HMG20A: variants seen among roughly 807,000 people sequenced by gnomAD.
HMG20A encodes high mobility group 20A.
In HMG20A, 17 loss-of-function variants were observed where a neutral mutation model predicts 43.9. That is an observed-to-expected ratio of 0.39 (90% confidence interval 0.27 to 0.58). The LOEUF (loss-of-function observed/expected upper bound fraction) is 0.58, where lower values mean the gene tolerates loss of function less well. Ranked by LOEUF, HMG20A falls within the 20% of genes least tolerant of loss-of-function variation. The probability of loss-of-function intolerance (pLI) is 0.59; values close to 1 mark genes in which losing one functional copy is unlikely to be tolerated. For missense variants in HMG20A, 341 were observed against 438.2 expected, an observed-to-expected ratio of 0.78 and a Z score of 1.98; for synonymous variants, 132 against 147.5, an observed-to-expected ratio of 0.89 and a Z score of 0.76.
the HMG20A span, among the ~76,000 whole-genome samples, chr15:77,514,467 A>G: frequency 6.6e-6 from 1 of 152,246 alleles, no homozygotes; most frequent in Non-Finnish European, 1.5e-5. Flanking sequence ...ATGTTTGCAT[A>G]TATAAAAATC....
chr15:77,497,350 C>G, the HMG20A span, among the ~76,000 whole-genome samples: 4 of 152,376 alleles, frequency 2.6e-5, no homozygotes, highest in African/African-American at 9.6e-5. Context: ...GGGCAGCTTG[C>G]CCAAGAGGAG....
downstream of HMG20A, among the ~76,000 whole-genome samples, chr15:77,488,009 G>A (rs1392007850): frequency 7.9e-5 from 12 of 152,184 alleles, no homozygotes; most frequent in Non-Finnish European, 1.6e-4. Context: ...TTTTGCCAGA[G>A]GTAGAAATGT....
At position 77,483,384 on chromosome 15, in the gene HMG20A, T is replaced by C. The variant is rs1447001174; in HGVS notation, c.*421T>C. On this transcript the variant is annotated 3_prime_UTR_variant, in exon 10 of 10. Transcript: ENST00000336216. The stretch of plus-strand genomic sequence containing the variant: ...CAGTTTTCTTACCTAGCTGTCACTT[T>C]TTTAAATGCCTCTGGGGGTTATTTT... 6.6e-6 allele frequency: 1 copy of C among 152,382 alleles called. No homozygotes were observed. The highest frequency in any genetic ancestry group is 1.5e-5 in the Non-Finnish European group (1 of 68,038). 9.4% of individuals were successfully genotyped at this position (152,382 alleles called of 1,614,324 possible). A position where few individuals can be genotyped will look rare whatever the true frequency, so the allele number is the denominator to read the frequency against.
At chr15:77,470,066 A>G (rs980593994) in intron 4 of HMG20A, among the ~76,000 whole-genome samples, 1 of 152,228 alleles carries the variant, frequency 6.6e-6, no homozygotes, top group Non-Finnish European at 1.5e-5. Flanking sequence ...CTACTAGTTT[A>G]TAATTTATTA....
intron 1 of HMG20A, among the ~76,000 whole-genome samples, chr15:77,436,154 C>G (rs149506767): frequency 6.6e-6 from 1 of 152,250 alleles, no homozygotes; most frequent in African/African-American, 2.4e-5. Flanking sequence ...TTCTACATCT[C>G]GAGTATTCCT....
chr15:77,424,021 C>T (rs1029159479), intron 1 of HMG20A, among the ~76,000 whole-genome samples: 7 of 151,998 alleles, frequency 4.6e-5, no homozygotes, highest in African/African-American at 1.5e-4. Context: ...ACAGTAAATA[C>T]GGCCAAATAT....
At chr15:77,479,551 G>A in intron 9 of HMG20A, 1 of 443,758 alleles carries the variant, frequency 2.3e-6, no homozygotes, top group Non-Finnish European at 4.0e-6. Context: ...CTTGAGCCCA[G>A]CAGTTCAAGT....
Position 77,478,450 on chromosome 15 carries a change from C to T in HMG20A, c.847C>T (p.Gln283Ter). 12 of 1,612,388 alleles carry T rather than the reference C, an allele frequency of 7.4e-6. No individual in the cohort carries two copies. The highest frequency in any genetic ancestry group is 1.0e-5 in the Non-Finnish European group (12 of 1,180,042). Residue 283 changes from glutamine to a stop codon, truncating the protein, a stop_gained, in exon 8 of 10, where the codon CAG becomes TAG. Transcript: ENST00000336216. LOFTEE classifies it high-confidence loss of function. Reference protein sequence around the residue: ...QERSRNTVLQQHLETLRQVLT... With the variant: ...QERSRNTVLQ ...GCGGAGCCGCAACACAGTCTTACAG[C>T]AGCACCTGGAGACCCTGCGGCAGGT...
intron 2 of HMG20A, 68 bp from the exon 3 acceptor site, chr15:77,464,172 A>G (rs1595925760): frequency 6.4e-7 from 1 of 1,555,160 alleles, no homozygotes. Context: ...GCTGGCAGGG[A>G]AATTTATCTA....
intron 1 of HMG20A, among the ~76,000 whole-genome samples, chr15:77,437,540 G>T (rs2073562336): frequency 6.6e-6 from 1 of 152,068 alleles, no homozygotes; most frequent in Admixed American, 6.6e-5. Context: ...CCCCACAGAG[G>T]AATACACCTA....
At chr15:77,504,412 A>G in the HMG20A span, among the ~76,000 whole-genome samples, 1 of 152,260 alleles carries the variant, frequency 6.6e-6, no homozygotes, top group Non-Finnish European at 1.5e-5. Flanking sequence ...TCCCTGCCAC[A>G]GCTGAGCTGG....
intron 1 of HMG20A, among the ~76,000 whole-genome samples, chr15:77,448,019 C>G (rs2073694136): frequency 2.0e-5 from 3 of 152,184 alleles, no homozygotes; most frequent in Admixed American, 6.5e-5. Context: ...TTTATAGATT[C>G]TAGTCCTGAT....
the HMG20A span, among the ~76,000 whole-genome samples, chr15:77,516,115 C>T: frequency 1.7e-4 from 26 of 152,102 alleles, no homozygotes; most frequent in Non-Finnish European, 3.7e-4. Flanking sequence ...AAATACTGCT[C>T]GAGGGGAATT....
downstream of HMG20A, among the ~76,000 whole-genome samples, chr15:77,490,302 A>T (rs1322223441): frequency 1.3e-5 from 2 of 152,010 alleles, no homozygotes; most frequent in Non-Finnish European, 2.9e-5. Context: ...AATAAAAAGT[A>T]AAATAAAATA....
the HMG20A span, among the ~76,000 whole-genome samples, chr15:77,492,919 C>T: frequency 6.6e-6 from 1 of 151,998 alleles, no homozygotes; most frequent in Non-Finnish European, 1.5e-5. Context: ...TGGTTCCTCC[C>T]AAAGCTCAGT....
the HMG20A span, among the ~76,000 whole-genome samples, chr15:77,491,289 T>G: frequency 6.6e-6 from 1 of 152,222 alleles, no homozygotes; most frequent in African/African-American, 2.4e-5. Flanking sequence ...TGAGGGGTGC[T>G]TTTGCTATCT....
intron 1 of HMG20A, among the ~76,000 whole-genome samples, chr15:77,429,493 G>A (rs1388446522): frequency 6.6e-6 from 1 of 151,586 alleles, no homozygotes; most frequent in African/African-American, 2.4e-5. Flanking sequence ...CTTCATGTTT[G>A]TTGCTTGATG....
chr15:77,448,292 C>G (rs1052538040), intron 1 of HMG20A, among the ~76,000 whole-genome samples: 1 of 152,158 alleles, frequency 6.6e-6, no homozygotes, highest in African/African-American at 2.4e-5. Flanking sequence ...CCAGTAGCCC[C>G]GGTTAGCTTT....
chr15:77,489,038 T>G (rs2041828485), downstream of HMG20A, among the ~76,000 whole-genome samples: 1 of 152,216 alleles, frequency 6.6e-6, no homozygotes. Context: ...TGACTTAAGT[T>G]TTCTCATCTG....
Sources: gnomAD v4.1 joint callset for allele counts (sites outside exome capture counted in the v4.1 genomes callset) on GRCh38, gnomAD v4.1.1 for gene constraint, MANE v1.5 for transcripts, NCBI Gene and HGNC (gene_info 2026-07-23, HGNC 2026-07-21) for gene names.